NRXN1: variants seen among roughly 807,000 people sequenced by gnomAD.
The protein encoded by NRXN1 is neurexin-1.
In NRXN1, 39 loss-of-function variants were observed where a neutral mutation model predicts 150.9. That is an observed-to-expected ratio of 0.26 (90% CI 0.20 to 0.34). The LOEUF is 0.34. NRXN1 is among the 10% of genes least tolerant of loss of function. NRXN1 has a pLI of 1.00. For missense variants in NRXN1, 1,815 were observed against 1,949.9 expected, an observed-to-expected ratio of 0.93 and a Z score of 1.30; for synonymous variants, 924 against 757.0, an observed-to-expected ratio of 1.22 and a Z score of -3.62.
rs57808424 is a variant in NRXN1, at chr2:50,334,192, A to AATTTTATATATAT, written c.3365-97223_3365-97222insATATATATAAAAT. On this transcript the variant is annotated intron_variant, in intron 17 of 22. Coordinates refer to ENST00000401669, the MANE Select transcript of NRXN1 (RefSeq NM_001330078.2). ...CTGCCTTTCCTTAAGACCAGGACCA[A>AATTTTATATATAT]ATATATATATATATATATATGTATG... is the stretch of plus-strand genomic sequence containing the variant. Among the ~76,000 whole-genome samples the AATTTTATATATAT allele has an allele frequency of 3.4e-4, 41 of 118,942 alleles. 2 individuals carry two copies. The highest frequency in any genetic ancestry group is 7.8e-4 in the African/African-American group (18 of 23,164). The allele number at this position is 118,942 out of a possible 152,430, so 78.0% of individuals were successfully genotyped here.
intron 5 of NRXN1, among the ~76,000 whole-genome samples, chr2:50,872,162 T>A (rs1233953952): frequency 6.6e-6 from 1 of 151,888 alleles, no homozygotes; most frequent in Non-Finnish European, 1.5e-5. Flanking sequence ...TTTTATATAT[T>A]TTTCATATTT....
In NRXN1 at chr2:50,127,750, G is replaced by C. The variant is rs1704825237; in HGVS notation, c.3547-36256C>G. Among the ~76,000 whole-genome samples, 3 of 152,236 alleles carry C rather than the reference G, an allele frequency of 2.0e-5. No individual in the cohort carries two copies. In the South Asian group the frequency reaches 6.2e-4, roughly 32 times the overall value. On this transcript the variant is annotated intron_variant, in intron 18 of 22. Transcript: ENST00000401669. ...TGGAAAGTCTTTATGCTTTGCTTTT[G>C]TTCTCATCAGAAATAGTCCCTAAGT...
At chr2:50,926,320 G>C (rs1686878686) in intron 2 of NRXN1, among the ~76,000 whole-genome samples, 1 of 151,804 alleles carries the variant, frequency 6.6e-6, no homozygotes, top group Admixed American at 6.6e-5. Context: ...AATTCTAAAA[G>C]GTTCTATTTC....
intron 5 of NRXN1, among the ~76,000 whole-genome samples, chr2:50,694,637 G>T (rs897902653): frequency 1.3e-5 from 2 of 152,070 alleles, no homozygotes; most frequent in Non-Finnish European, 2.9e-5. Context: ...TTAAATTCAA[G>T]GTAGGGAAAA....
intron 5 of NRXN1, among the ~76,000 whole-genome samples, chr2:50,820,213 C>T (rs1488361328): frequency 2.0e-5 from 3 of 152,078 alleles, no homozygotes; most frequent in African/African-American, 4.8e-5. Context: ...TCCTATTGAA[C>T]TTACTATCCT....
intron 5 of NRXN1, among the ~76,000 whole-genome samples, chr2:50,813,270 T>C (rs1169432413): frequency 6.6e-6 from 1 of 152,192 alleles, no homozygotes; most frequent in African/African-American, 2.4e-5. Flanking sequence ...GAATTTACTA[T>C]CAATAAATAT....
intron 18 of NRXN1, among the ~76,000 whole-genome samples, chr2:50,098,830 GTTTTTTTTTTTTTTTTT>G (rs746736925): frequency 6.6e-5 from 7 of 105,564 alleles, no homozygotes; most frequent in African/African-American, 2.1e-4. Context: ...TTTGGTTTTA[GTTTTTTTTTTTTTTTTT>G]TTTTTTTTTT....
chr2:50,952,851 T>C (rs1024423543), intron 2 of NRXN1, among the ~76,000 whole-genome samples: 4 of 152,190 alleles, frequency 2.6e-5, no homozygotes, highest in Admixed American at 6.5e-5. Flanking sequence ...TTTACATACG[T>C]TGCCATTTTA....
chr2:50,174,762 A>G (rs2060248994), intron 18 of NRXN1: 1 of 152,138 alleles, frequency 6.6e-6, no homozygotes, highest in Admixed American at 6.6e-5. Flanking sequence ...AGAAAAAAAA[A>G]TTTGCTGTTG....
intron 21 of NRXN1, among the ~76,000 whole-genome samples, chr2:50,033,289 A>G (rs900604624): frequency 2.6e-5 from 4 of 152,056 alleles, no homozygotes; most frequent in African/African-American, 7.2e-5. Context: ...ACATGGACCA[A>G]CAGAACAGAA....
chr2:49,930,329 G>A (rs1390878589), intron 22 of NRXN1, among the ~76,000 whole-genome samples: 8 of 152,042 alleles, frequency 5.3e-5, no homozygotes, highest in Admixed American at 5.2e-4. Context: ...ACAAAGGAGG[G>A]AAATATCTGT....
intron 21 of NRXN1, among the ~76,000 whole-genome samples, chr2:50,019,516 G>C (rs2152557415): frequency 6.7e-6 from 1 of 149,996 alleles, no homozygotes; most frequent in Non-Finnish European, 1.5e-5. Context: ...AGTGGCGGGT[G>C]CCTGTAATCC....
Position 51,028,133 on chromosome 2 carries a change from GTTCCA to G in NRXN1, c.136_140del (p.Trp46ArgfsTer52). ...AGCTCATCTCGCTCTCGCAGCAGGC[GTTCCA>G]CTTGGGGAAGCGCGTCCATTGGCCC... On this transcript the variant is annotated frameshift_variant, in exon 2 of 23. Coordinates refer to ENST00000401669, the MANE Select transcript of NRXN1 (RefSeq NM_001330078.2). LOFTEE classifies it high-confidence loss of function. 1 of 1,562,132 alleles carries G rather than the reference GTTCCA, an allele frequency of 6.4e-7. No homozygotes were observed. Among genetic ancestry groups the G allele is most frequent in the Non-Finnish European group, 8.6e-7 (1 of 1,156,650 alleles).
At chr2:50,480,020 G>A (rs749540749) in intron 15 of NRXN1, among the ~76,000 whole-genome samples, 3 of 151,978 alleles carry the variant, frequency 2.0e-5, no homozygotes, top group Non-Finnish European at 2.9e-5. Context: ...ATATCCGCCC[G>A]CCTTGGCCTC....
chr2:50,445,298 G>A (rs992577861), intron 17 of NRXN1, among the ~76,000 whole-genome samples: 1 of 152,084 alleles, frequency 6.6e-6, no homozygotes, highest in African/African-American at 2.4e-5. Flanking sequence ...GAAGGCAGTC[G>A]CAAAGAAGTA....
chr2:50,431,942 C>T (rs2085001718), intron 17 of NRXN1, among the ~76,000 whole-genome samples: 1 of 152,194 alleles, frequency 6.6e-6, no homozygotes, highest in South Asian at 2.1e-4. Flanking sequence ...AAGTCAGGCA[C>T]TATGCCAGGT....
At position 50,607,042 on chromosome 2, in the gene NRXN1, T is replaced by A. The variant is rs561044800; in HGVS notation, c.1320+12980A>T. 9.5e-4 allele frequency among the ~76,000 whole-genome samples: 144 copies of A among 152,242 alleles called. 1 individual carries two copies. The highest frequency in any genetic ancestry group is 3.2e-3 in the African/African-American group (134 of 41,556). ...GTTATTGTCATCTAACGAAGCCTAATTTAGTTTGAATATATATTTTGGAAC... is the reference window on the plus strand; with the variant it reads ...GTTATTGTCATCTAACGAAGCCTAAATTAGTTTGAATATATATTTTGGAAC... On this transcript the variant is annotated intron_variant, in intron 8 of 22. Coordinates refer to ENST00000401669, the MANE Select transcript of NRXN1 (RefSeq NM_001330078.2).
chr2:50,581,581 T>G (rs1672268599), intron 8 of NRXN1, among the ~76,000 whole-genome samples: 1 of 152,146 alleles, frequency 6.6e-6, no homozygotes. Context: ...TCTGTGATAA[T>G]TTTTATTAGG....
intron 5 of NRXN1, among the ~76,000 whole-genome samples, chr2:50,656,724 T>A (rs1686523986): frequency 6.6e-6 from 1 of 151,380 alleles, no homozygotes; most frequent in African/African-American, 2.4e-5. Flanking sequence ...CAAGGGCTAC[T>A]GAAGCATAGT....
Sources: gnomAD v4.1 joint callset for allele counts (sites outside exome capture counted in the v4.1 genomes callset) on GRCh38, gnomAD v4.1.1 for gene constraint, MANE v1.5 for transcripts, NCBI Gene and HGNC (gene_info 2026-07-23, HGNC 2026-07-21) for gene names.